The following ZMAT5 variants were observed in gnomAD, a reference collection of about 807,000 sequenced individuals.
The protein encoded by ZMAT5 is zinc finger matrin-type 5.
ZMAT5 carries 23 observed loss-of-function variants against 28.0 expected under a neutral mutation model. The observed-to-expected ratio is 0.82, with a 90% CI of 0.59 to 1.16. ZMAT5 has a LOEUF of 1.16. Among genes scored for constraint, ZMAT5 ranks in the 50% most tolerant of loss-of-function variants. The pLI is 0.00. For missense variants in ZMAT5, 173 were observed against 212.7 expected, an observed-to-expected ratio of 0.81 and a Z score of 1.16; for synonymous variants, 76 against 84.1, an observed-to-expected ratio of 0.90 and a Z score of 0.52.
intron 3 of ZMAT5, 77 bp from the exon 4 acceptor site, chr22:29,740,807 T>A: frequency 7.4e-7 from 1 of 1,348,066 alleles, no homozygotes. Context: ...AGATGAGGGA[T>A]CCCAGAATCT....
intron 5 of ZMAT5, among the ~76,000 whole-genome samples, chr22:29,733,832 C>T (rs1427555145): frequency 6.6e-6 from 1 of 152,250 alleles, no homozygotes; most frequent in Non-Finnish European, 1.5e-5. Flanking sequence ...CCCTGAGGTC[C>T]CGCCAGTAGA....
intron 5 of ZMAT5, 97 bp downstream of exon 5, chr22:29,738,233 G>A: frequency 2.5e-6 from 3 of 1,203,628 alleles, no homozygotes; most frequent in Non-Finnish European, 1.2e-6. Context: ...CCTGGGCCTG[G>A]GCAGTTCATG....
intron 2 of ZMAT5, 182 bp downstream of exon 2, chr22:29,748,236 T>C (rs2068026204): frequency 5.1e-6 from 4 of 790,004 alleles, no homozygotes; most frequent in Non-Finnish European, 4.2e-6. Flanking sequence ...CAGTCAGCGT[T>C]GTTGGGGAAA....
chr22:29,732,813 C>A (rs2067864569), intron 5 of ZMAT5, among the ~76,000 whole-genome samples: 1 of 151,406 alleles, frequency 6.6e-6, no homozygotes, highest in Non-Finnish European at 1.5e-5. Context: ...CAGCCGCCGC[C>A]AAAATTCAGG....
At chr22:29,737,395 A>G (rs894236465) in intron 5 of ZMAT5, among the ~76,000 whole-genome samples, 8 of 152,228 alleles carry the variant, frequency 5.3e-5, no homozygotes, top group Non-Finnish European at 8.8e-5. Context: ...AGAGAAGGCA[A>G]GAAGTTTGGC....
At chr22:29,747,553 C>T (rs1283138152) in intron 2 of ZMAT5, 1 of 152,542 alleles carries the variant, frequency 6.6e-6, no homozygotes, top group African/African-American at 2.4e-5. Context: ...TCCAGGAGCT[C>T]CTGGCCCACC....
chr22:29,747,065 A>G (rs762978678), intron 2 of ZMAT5: 4 of 152,132 alleles, frequency 2.6e-5, no homozygotes, highest in Non-Finnish European at 2.9e-5. Context: ...GGAAGCCTTT[A>G]GAAACACCAT....
In ZMAT5 at chr22:29,731,483, G is replaced by T. The variant is rs5752956; in HGVS notation, c.384-129C>A. On this transcript the variant is annotated intron_variant, in intron 5 of 5. Transcript: ENST00000344318. ...GCTGCCTGCATGACTTTTCTGGAAG[G>T]CAGAGCCTCGAAAATAGGCAGACCG... The T allele has an allele frequency of 0.014, 17,446 of 1,289,248 alleles. 1,962 individuals are homozygous for T. The East Asian group carries it at 0.31, about 23-fold the overall frequency. The allele number at this position is 1,289,248 out of a possible 1,614,324, so 79.9% of individuals were successfully genotyped here.
In ZMAT5 at chr22:29,742,504, A is replaced by G. The variant is rs752116936; in HGVS notation, c.128-24T>C. ...ATCTGCGAGAGAAGAGAGGGACGGGATTCGGATGGTTCAGGCTCCACCAAA... is the reference window on the plus strand; with the variant it reads ...ATCTGCGAGAGAAGAGAGGGACGGGGTTCGGATGGTTCAGGCTCCACCAAA... On this transcript the variant is annotated intron_variant, in intron 2 of 5. Transcript: ENST00000344318. 6.7e-5 allele frequency: 108 copies of G among 1,610,490 alleles called. No individual in the cohort carries two copies. The Middle Eastern group carries it at 3.6e-3, about 54-fold the overall frequency.
In ZMAT5 at chr22:29,766,863, C is replaced by A. The variant is rs773081260; in HGVS notation, c.-28+9G>T. 1 of 153,122 alleles carries A rather than the reference C, an allele frequency of 6.5e-6. No individual in the cohort carries two copies. The highest frequency in any genetic ancestry group is 1.5e-5 in the Non-Finnish European group (1 of 68,358). The allele number at this position is 153,122 out of a possible 1,614,324, so 9.5% of individuals were successfully genotyped here. A position where few individuals can be genotyped will look rare whatever the true frequency, so the allele number is the denominator to read the frequency against. On this transcript the variant is annotated intron_variant, in intron 1 of 5. Coordinates refer to ENST00000344318, the MANE Select transcript of ZMAT5 (RefSeq NM_001003692.2). ...AGAAATGGTGCGTCCCGCCGCAGGG[C>A]GTACGCACAGAGAAGGAAGTGTTCA...
At chr22:29,760,997 A>G (rs2068151455) in intron 1 of ZMAT5, among the ~76,000 whole-genome samples, 1 of 152,106 alleles carries the variant, frequency 6.6e-6, no homozygotes. Context: ...GCTGTTGGCC[A>G]GGCACGGTGG....
rs936696360 is a variant in ZMAT5 at position 29,755,124 on chromosome 22, C to T, written c.-27-6553G>A. On this transcript the variant is annotated intron_variant, in intron 1 of 5. Transcript: ENST00000344318. ...CAGCCTGACCAACATGGTGAAACCC[C>T]GTTTCTACTAAAAATACAAAATTAG... 2.6e-5 allele frequency among the ~76,000 whole-genome samples: 4 copies of T among 151,784 alleles called. No individual in the cohort carries two copies. The South Asian group carries it at 6.3e-4, about 24-fold the overall frequency.
chr22:29,759,358 A>G (rs1389553983), intron 1 of ZMAT5, among the ~76,000 whole-genome samples: 1 of 151,928 alleles, frequency 6.6e-6, no homozygotes, highest in African/African-American at 2.4e-5. Context: ...TCACCTCTGG[A>G]CTCCTCACAT....
rs575408906 is a variant in ZMAT5 at position 29,763,822 on chromosome 22, T to G, written c.-28+3050A>C. 2.6e-5 allele frequency among the ~76,000 whole-genome samples: 4 copies of G among 151,932 alleles called. No individual in the cohort carries two copies. In the East Asian group the frequency reaches 5.8e-4, roughly 22 times the overall value. The stretch of plus-strand genomic sequence containing the variant: ...ACGAAATTAGTGGGGCATAGTGGCA[T>G]GCACCTGTAGTCCCAGCTACTTGGA... On this transcript the variant is annotated intron_variant, in intron 1 of 5. Coordinates refer to ENST00000344318, the MANE Select transcript of ZMAT5 (RefSeq NM_001003692.2).
chr22:29,758,583 A>C (rs1356975082), intron 1 of ZMAT5, among the ~76,000 whole-genome samples: 2 of 152,168 alleles, frequency 1.3e-5, no homozygotes, highest in African/African-American at 4.8e-5. Flanking sequence ...AGATCATGCC[A>C]CTGCACTCCA....
intron 1 of ZMAT5, among the ~76,000 whole-genome samples, chr22:29,753,044 C>T (rs1211596632): frequency 6.6e-6 from 1 of 151,934 alleles, no homozygotes; most frequent in Non-Finnish European, 1.5e-5. Context: ...AGCCTGGGGA[C>T]AGCACTGAGC....
chr22:29,738,307 G>A, intron 5 of ZMAT5, 23 bp downstream of exon 5: 3 of 1,601,546 alleles, frequency 1.9e-6, no homozygotes, highest in Non-Finnish European at 2.6e-6. Context: ...GGCACAGCGG[G>A]AGGGAACCCT....
chr22:29,755,290 G>C (rs570476018), intron 1 of ZMAT5, among the ~76,000 whole-genome samples: 1 of 126,512 alleles, frequency 7.9e-6, no homozygotes, highest in African/African-American at 2.9e-5. Flanking sequence ...GTGAGACCTT[G>C]TCAAAAAAGA....
At chr22:29,738,999 G>A (rs1325436101) in intron 4 of ZMAT5, among the ~76,000 whole-genome samples, 3 of 150,026 alleles carry the variant, frequency 2.0e-5, no homozygotes, top group African/African-American at 7.4e-5. Flanking sequence ...CGGCAAGAGT[G>A]AAACTCCATC....
Sources: gnomAD v4.1 joint callset for allele counts (sites outside exome capture counted in the v4.1 genomes callset) on GRCh38, gnomAD v4.1.1 for gene constraint, MANE v1.5 for transcripts, NCBI Gene and HGNC (gene_info 2026-07-23, HGNC 2026-07-21) for gene names.